Variants in WAC observed in about 807,000 individuals in gnomAD.
The protein encoded by WAC is WW domain-containing adapter protein with coiled-coil.
WAC carries 11 observed loss-of-function variants against 79.6 expected under a neutral mutation model. That is an observed-to-expected ratio of 0.14 (90% CI 0.09 to 0.23). WAC has a LOEUF of 0.23. Among genes scored for constraint, WAC ranks in the 10% least tolerant of loss-of-function variants. WAC has a pLI of 1.00. For synonymous variants in WAC, 304 were observed against 276.9 expected (o/e 1.10, Z -0.97); for missense variants, 728 against 773.5 (o/e 0.94, Z 0.70).
rs372119062 is a variant in WAC at position 28,619,523 on chromosome 10, CTT to C, written c.1875-5_1875-4del. The C allele has an allele frequency of 9.0e-6, 12 of 1,336,084 alleles. No homozygotes were observed. Among genetic ancestry groups the C allele is most frequent in the Admixed American group, 7.5e-5 (3 of 40,182 alleles). 82.8% of individuals were successfully genotyped at this position (1,336,084 alleles called of 1,614,324 possible). A position where few individuals can be genotyped will look rare whatever the true frequency, so the allele number is the denominator to read the frequency against. ...ATATGTACACAGGTTCTAATGTCTG[CTT>C]TTTTTTTTCAGGATACTATTTTTGA... On this transcript the variant is annotated splice_polypyrimidine_tract_variant and intron_variant, in intron 13 of 13. Coordinates refer to ENST00000354911, the MANE Select transcript of WAC (RefSeq NM_016628.5).
At chr10:28,580,456 CTT>C (rs1215266595) in intron 3 of WAC, among the ~76,000 whole-genome samples, 1 of 152,162 alleles carries the variant, frequency 6.6e-6, no homozygotes, top group African/African-American at 2.4e-5. Flanking sequence ...TTTCAGCAAA[CTT>C]TTAATGTGGC....
chr10:28,555,456 A>G (rs901641922), intron 3 of WAC, among the ~76,000 whole-genome samples: 6 of 151,736 alleles, frequency 4.0e-5, no homozygotes, highest in Non-Finnish European at 8.8e-5. Context: ...TTCTGGGACT[A>G]TTGCAGTAGA....
At chr10:28,562,623 G>C (rs180785797) in intron 3 of WAC, among the ~76,000 whole-genome samples, 1 of 152,240 alleles carries the variant, frequency 6.6e-6, no homozygotes, top group Non-Finnish European at 1.5e-5. Flanking sequence ...ATTTTTATGA[G>C]ATAAGAAAGG....
At chr10:28,560,371 T>C (rs944210396) in intron 3 of WAC, among the ~76,000 whole-genome samples, 1 of 151,834 alleles carries the variant, frequency 6.6e-6, no homozygotes, top group Non-Finnish European at 1.5e-5. Context: ...GAGTTAGGAG[T>C]GTGTGTGGGG....
In WAC at chr10:28,533,987, CTGTT is replaced by C; in HGVS notation, c.42-9_42-6del. 1.9e-6 allele frequency: 3 copies of C among 1,606,204 alleles called. No homozygotes were observed. The highest frequency in any genetic ancestry group is 2.5e-6 in the Non-Finnish European group (3 of 1,176,540). ...TGTCTTATGTCGCTGCCTTCTCTTC[CTGTT>C]TTTCAGCTGTCACGACCGGAGGGGG... is the stretch of plus-strand genomic sequence containing the variant. On this transcript the variant is annotated splice_region_variant and splice_polypyrimidine_tract_variant and intron_variant, in intron 1 of 13. Coordinates refer to ENST00000354911, the MANE Select transcript of WAC (RefSeq NM_016628.5).
intron 3 of WAC, among the ~76,000 whole-genome samples, chr10:28,577,226 G>A (rs1272185278): frequency 6.6e-6 from 1 of 152,104 alleles, no homozygotes; most frequent in African/African-American, 2.4e-5. Flanking sequence ...AAGTTGTATT[G>A]GTTCGTGTGT....
At chr10:28,570,457 T>C (rs980919971) in intron 3 of WAC, among the ~76,000 whole-genome samples, 3 of 152,238 alleles carry the variant, frequency 2.0e-5, no homozygotes, top group East Asian at 1.9e-4. Flanking sequence ...TATTATTAAA[T>C]GATGCTGTAT....
intron 3 of WAC, among the ~76,000 whole-genome samples, chr10:28,561,125 T>C (rs111356292): frequency 6.6e-6 from 1 of 152,234 alleles, no homozygotes; most frequent in Non-Finnish European, 1.5e-5. Flanking sequence ...ATCTGCAACC[T>C]AGAGGGCATT....
At chr10:28,596,088 GTTTCTT>G in intron 7 of WAC, 47 bp downstream of exon 7, 1 of 1,541,498 alleles carries the variant, frequency 6.5e-7, no homozygotes, top group South Asian at 1.3e-5. Context: ...TAGTTTCTAA[GTTTCTT>G]CTAAGTTTCT....
chr10:28,567,934 C>T (rs368434522), intron 3 of WAC, among the ~76,000 whole-genome samples: 9 of 152,048 alleles, frequency 5.9e-5, no homozygotes, highest in African/African-American at 1.9e-4. Context: ...ATGGGGGTCT[C>T]GCTATGTTGC....
intron 5 of WAC, 98 bp from the exon 6 acceptor site, chr10:28,590,622 T>C: frequency 2.1e-6 from 2 of 957,526 alleles, no homozygotes; most frequent in Non-Finnish European, 3.1e-6. Context: ...TTTTGTTTTC[T>C]GTATACCATT....
intron 3 of WAC, among the ~76,000 whole-genome samples, chr10:28,544,130 G>C (rs559125839): frequency 6.6e-6 from 1 of 152,150 alleles, no homozygotes; most frequent in Admixed American, 6.5e-5. Flanking sequence ...TGATCCATTC[G>C]CCTCAGCCTC....
At chr10:28,554,521 C>T (rs979730101) in intron 3 of WAC, among the ~76,000 whole-genome samples, 1 of 152,044 alleles carries the variant, frequency 6.6e-6, no homozygotes, top group Non-Finnish European at 1.5e-5. Flanking sequence ...CATTGTTCTC[C>T]CTTATCCCCA....
At chr10:28,581,593 T>G (rs999461489) in intron 3 of WAC, among the ~76,000 whole-genome samples, 9 of 152,074 alleles carry the variant, frequency 5.9e-5, no homozygotes, top group African/African-American at 2.2e-4. Flanking sequence ...CTTGCTCTGT[T>G]GCCCAGGCTG....
At chr10:28,618,907 A>C (rs117435017) in intron 13 of WAC, among the ~76,000 whole-genome samples, 1 of 152,324 alleles carries the variant, frequency 6.6e-6, no homozygotes, top group Non-Finnish European at 1.5e-5. Flanking sequence ...TATAATAGCT[A>C]CTGCTTTCTT....
chr10:28,559,136 ATGTGTGTG>A (rs111740298), intron 3 of WAC, among the ~76,000 whole-genome samples: 5 of 146,660 alleles, frequency 3.4e-5, no homozygotes, highest in African/African-American at 7.8e-5. Flanking sequence ...GAGAAACCTG[ATGTGTGTG>A]TGTGTGTGTG....
chr10:28,592,375 A>T (rs557006676), intron 6 of WAC, among the ~76,000 whole-genome samples: 35 of 152,144 alleles, frequency 2.3e-4, no homozygotes, highest in African/African-American at 7.5e-4. Flanking sequence ...TGTAATCCCA[A>T]CACTTTGGGA....
intron 3 of WAC, chr10:28,537,726 A>C (rs938673260): frequency 6.6e-6 from 1 of 152,198 alleles, no homozygotes; most frequent in African/African-American, 2.4e-5. Flanking sequence ...TTGACTCTTG[A>C]GAGCTAGTGG....
Position 28,609,926 on chromosome 10 carries a change from C to CTTT in WAC, c.1166-754_1166-752dup, listed in dbSNP as rs35905966. Among the ~76,000 whole-genome samples, 977 of 115,642 alleles carry CTTT rather than the reference C, an allele frequency of 8.4e-3. 32 individuals are homozygous for CTTT. The highest frequency in any genetic ancestry group is 0.03 in the African/African-American group (915 of 30,100). The allele number at this position is 115,642 out of a possible 152,430, so 75.9% of individuals were successfully genotyped here. On this transcript the variant is annotated intron_variant, in intron 8 of 13. Transcript: ENST00000354911. ...CAAAAATACATGGTATTCCTAAATA[C>CTTT]TTTTTTTTTTTTTTTTTTTTTGAGA...
Sources: allele counts gnomAD v4.1 joint callset (sites outside exome capture counted in the v4.1 genomes callset), GRCh38; gene constraint gnomAD v4.1.1; transcripts MANE v1.5; gene names NCBI Gene and HGNC (gene_info 2026-07-23, HGNC 2026-07-21).